Variants in FALEC observed in about 807,000 individuals in gnomAD.
The protein encoded by FALEC is focally amplified lncRNA regulator of ECM1.
the FALEC span, among the ~76,000 whole-genome samples, chr1:150,523,256 G>A: frequency 6.7e-6 from 1 of 148,606 alleles, no homozygotes; most frequent in Non-Finnish European, 1.5e-5. Flanking sequence ...GCCTCCCAAA[G>A]TGCTGGGATT....
chr1:150,517,650 A>G (rs920220904), intron 1 of FALEC: 1 of 152,294 alleles, frequency 6.6e-6, no homozygotes, highest in Non-Finnish European at 1.5e-5. Context: ...GCAGGCTGCA[A>G]CCTGGCAGAG....
chr1:150,534,286 C>T, the FALEC span, among the ~76,000 whole-genome samples: 1 of 152,296 alleles, frequency 6.6e-6, no homozygotes, highest in Non-Finnish European at 1.5e-5. Flanking sequence ...CAAGAGACTC[C>T]CTGGAGAGGG....
At chr1:150,516,002 T>C (rs34514406) in exon 1 of FALEC, 12,897 of 152,122 alleles carry the variant, frequency 0.085, 656 homozygotes, top group African/African-American at 0.11. Flanking sequence ...ATCCCAGCAC[T>C]TTGGGAGGCC....
chr1:150,533,824 G>C, the FALEC span, among the ~76,000 whole-genome samples: 1 of 152,154 alleles, frequency 6.6e-6, no homozygotes, highest in Admixed American at 6.5e-5. Flanking sequence ...AAAAAAGATA[G>C]AAAAAGGTGA....
chr1:150,529,868 AT>A, the FALEC span, among the ~76,000 whole-genome samples: 1 of 152,136 alleles, frequency 6.6e-6, no homozygotes, highest in African/African-American at 2.4e-5. Context: ...AAGTGCTGGG[AT>A]TACAGGGGTG....
At chr1:150,527,805 G>A in the FALEC span, among the ~76,000 whole-genome samples, 4 of 152,116 alleles carry the variant, frequency 2.6e-5, no homozygotes, top group East Asian at 1.9e-4. Context: ...AGCCAAGATC[G>A]CACCACTCCA....
chr1:150,524,122 C>T, the FALEC span, among the ~76,000 whole-genome samples: 13 of 152,226 alleles, frequency 8.5e-5, no homozygotes, highest in African/African-American at 2.6e-4. Context: ...TGTTGTTTTA[C>T]GCTGCTAGAT....
the FALEC span, among the ~76,000 whole-genome samples, chr1:150,534,609 C>T: frequency 6.6e-6 from 1 of 152,030 alleles, no homozygotes; most frequent in African/African-American, 2.4e-5. Flanking sequence ...TTTGGGAGGC[C>T]AAGGTGGGCG....
At chr1:150,519,474 A>G (rs1231473325), downstream of FALEC, among the ~76,000 whole-genome samples, 1 of 152,122 alleles carries the variant, frequency 6.6e-6, no homozygotes, top group Non-Finnish European at 1.5e-5. Flanking sequence ...TAATCCCAAC[A>G]CTTTGGGAGA....
downstream of FALEC, among the ~76,000 whole-genome samples, chr1:150,522,256 AAAAAGAAAG>A (rs1560270344): frequency 6.6e-6 from 1 of 150,806 alleles, no homozygotes; most frequent in East Asian, 1.9e-4. Flanking sequence ...AAAAAAAAAA[AAAAAGAAAG>A]AAAGAAAAGC....
the FALEC span, among the ~76,000 whole-genome samples, chr1:150,524,665 T>C: frequency 6.6e-6 from 1 of 152,266 alleles, no homozygotes; most frequent in East Asian, 1.9e-4. Flanking sequence ...CTTTAGTGAT[T>C]AGAGACATGC....
At chr1:150,532,306 G>A in the FALEC span, among the ~76,000 whole-genome samples, 1 of 152,122 alleles carries the variant, frequency 6.6e-6, no homozygotes, top group Non-Finnish European at 1.5e-5. Context: ...CAGTTCCCTC[G>A]TTCCCCTGGA....
chr1:150,522,978 TATA>T (rs1170093521), downstream of FALEC, among the ~76,000 whole-genome samples: 341 of 46,240 alleles, frequency 7.4e-3, 31 homozygotes, highest in South Asian at 0.017. Context: ...TATATATATA[TATA>T]TATTTTTTTT....
chr1:150,516,665 GAGTAA>G (rs1418616161), intron 1 of FALEC, among the ~76,000 whole-genome samples: 1 of 152,326 alleles, frequency 6.6e-6, no homozygotes, highest in South Asian at 2.1e-4. Context: ...CAGGGGCGGT[GAGTAA>G]AGTAAAGGAG....
intron 1 of FALEC, among the ~76,000 whole-genome samples, chr1:150,517,276 G>A: frequency 7.2e-6 from 1 of 139,626 alleles, no homozygotes; most frequent in South Asian, 2.3e-4. Flanking sequence ...CAGCCTGGGT[G>A]ACAGAGCCAG....
chr1:150,522,896 T>C (rs1670666543), downstream of FALEC, among the ~76,000 whole-genome samples: 2 of 67,354 alleles, frequency 3.0e-5, no homozygotes, highest in Admixed American at 1.5e-4. Context: ...TACGTATATA[T>C]ATATATACAT....
downstream of FALEC, among the ~76,000 whole-genome samples, chr1:150,522,225 T>G (rs1220464276): frequency 7.6e-6 from 1 of 132,352 alleles, no homozygotes. Context: ...CCAGCCTAGG[T>G]GACAGAGTGA....
At chr1:150,526,543 T>G in the FALEC span, among the ~76,000 whole-genome samples, 91,863 of 151,496 alleles carry the variant, frequency 0.61, 28,385 homozygotes, top group African/African-American at 0.67. Context: ...TTTTTTTTGA[T>G]TCTCCTGCCT....
the FALEC span, among the ~76,000 whole-genome samples, chr1:150,536,646 T>C: frequency 6.6e-6 from 1 of 152,028 alleles, no homozygotes; most frequent in African/African-American, 2.4e-5. Context: ...AAATATTAGC[T>C]GGACATGGTG....
Sources: gnomAD v4.1 joint callset for allele counts (sites outside exome capture counted in the v4.1 genomes callset) on GRCh38, gnomAD v4.1.1 for gene constraint, MANE v1.5 for transcripts, NCBI Gene and HGNC (gene_info 2026-07-23, HGNC 2026-07-21) for gene names.